Variants in RNPEP observed in about 807,000 individuals in gnomAD.
RNPEP encodes aminopeptidase B.
In RNPEP, 57 loss-of-function variants were observed where a neutral mutation model predicts 70.1. The observed-to-expected ratio is 0.81, with a 90% confidence interval of 0.66 to 1.01. The LOEUF (loss-of-function observed/expected upper bound fraction) is 1.01. Among genes scored for constraint, RNPEP ranks in the 50% least tolerant of loss-of-function variants. The pLI is 0.00. For missense variants in RNPEP, 787 were observed against 852.4 expected (o/e 0.92, Z 0.96); for synonymous variants, 335 against 357.4 (o/e 0.94, Z 0.71).
At chr1:201,995,961 G>A in intron 3 of RNPEP, 186 bp from the exon 4 acceptor site, 1 of 579,406 alleles carries the variant, frequency 1.7e-6, no homozygotes, top group South Asian at 2.2e-5. Flanking sequence ...TTGGGTTCTT[G>A]TTTCTCAGGT....
chr1:202,003,678 G>A (rs565336771), intron 9 of RNPEP, among the ~76,000 whole-genome samples: 4 of 152,278 alleles, frequency 2.6e-5, no homozygotes, highest in East Asian at 1.9e-4. Context: ...ATGTGCCATC[G>A]GGAGGTTATG....
In RNPEP at chr1:201,982,949, C is replaced by A; in HGVS notation, c.283C>A (p.Arg95=). 6.7e-7 allele frequency: 1 copy of A among 1,488,968 alleles called. No individual in the cohort carries two copies. The highest frequency in any genetic ancestry group is 1.3e-5 in the South Asian group (1 of 78,094). 92.2% of individuals were successfully genotyped at this position (1,488,968 alleles called of 1,614,324 possible). ...CLEVTAAALR[R]ERPGSEEPPA... ...GGAGGTGACGGCGGCGGCGCTGCGG[C>A]GGGAGCGGCCCGGCTCGGAGGAGCC... Residue 95 remains arginine, a synonymous_variant, in exon 1 of 11, where the codon CGG becomes AGG. Coordinates refer to ENST00000295640, the MANE Select transcript of RNPEP (RefSeq NM_020216.4).
intron 1 of RNPEP, among the ~76,000 whole-genome samples, chr1:201,987,142 G>A (rs1050879277): frequency 3.9e-5 from 6 of 152,032 alleles, no homozygotes; most frequent in African/African-American, 1.2e-4. Flanking sequence ...CCCCAACTCT[G>A]CATCTGGAGC....
rs749682607 is a variant in RNPEP at position 202,001,413 on chromosome 1, C to T, written c.1242C>T (p.Tyr414=). The change falls in exon 7 of 11, where the codon TAC becomes TAT. Residue 414 remains tyrosine, a synonymous_variant. Coordinates refer to ENST00000295640, the MANE Select transcript of RNPEP (RefSeq NM_020216.4). ...DPDDTYNETP[Y]EKGFCFVSYL... is the part of the protein sequence containing the mutation. ...ACGACACCTATAATGAGACCCCCTA[C>T]GAGAAAGGTTTCTGCTTTGTTTCAT... is the stretch of plus-strand genomic sequence containing the variant. 9.5e-5 allele frequency: 154 copies of T among 1,613,760 alleles called. No homozygotes were observed. The highest frequency in any genetic ancestry group is 3.3e-4 in the East Asian group (15 of 44,878).
chr1:202,000,950 G>A (rs12022347), intron 6 of RNPEP: 58,229 of 162,966 alleles, frequency 0.36, 11,794 homozygotes, highest in Admixed American at 0.44. Context: ...TTTAGGTGGT[G>A]ACCAATAGGG....
In RNPEP at chr1:201,996,172, C is replaced by T; in HGVS notation, c.763C>T (p.Leu255=). 1 of 1,614,114 alleles carries T rather than the reference C, an allele frequency of 6.2e-7. No homozygotes were observed. Among genetic ancestry groups the T allele is most frequent in the Non-Finnish European group, 8.5e-7 (1 of 1,179,998 alleles). Residue 255 remains leucine (L), a synonymous_variant, in exon 4 of 11, where the codon CTG becomes TTG. Coordinates refer to ENST00000295640, the MANE Select transcript of RNPEP (RefSeq NM_020216.4). ...PRSRVWAEPC[L]IDAAKEEYNG... ...GAGCCGGGTGTGGGCTGAGCCCTGC[C>T]TGATTGATGCTGCCAAGGAGGAGTA...
At chr1:201,984,457 A>C (rs1279570538) in intron 1 of RNPEP, among the ~76,000 whole-genome samples, 1 of 152,198 alleles carries the variant, frequency 6.6e-6, no homozygotes, top group Non-Finnish European at 1.5e-5. Context: ...CTCAGTGAGC[A>C]GAGTAGTGGC....
chr1:201,997,103 A>G (rs1398913092), intron 4 of RNPEP, among the ~76,000 whole-genome samples: 1 of 152,096 alleles, frequency 6.6e-6, no homozygotes, highest in Non-Finnish European at 1.5e-5. Flanking sequence ...GAGAGCAGAC[A>G]CCACCTCGAT....
chr1:201,986,197 GA>G (rs1683125519), intron 1 of RNPEP, among the ~76,000 whole-genome samples: 1 of 152,202 alleles, frequency 6.6e-6, no homozygotes, highest in South Asian at 2.1e-4. Flanking sequence ...GCCTCCCAAA[GA>G]AAGTGCTAGA....
intron 4 of RNPEP, chr1:201,996,465 T>TGTGTGTGTGTGTG: frequency 4.3e-6 from 1 of 230,686 alleles, no homozygotes; most frequent in Admixed American, 5.7e-5. Context: ...ATGAGGTTCT[T>TGTGTGTGTGTGTG]TGTGTGTGTG....
chr1:202,002,096 C>T (rs1683842836), intron 8 of RNPEP, among the ~76,000 whole-genome samples: 1 of 152,174 alleles, frequency 6.6e-6, no homozygotes, highest in East Asian at 1.9e-4. Context: ...GGAGGCAGCA[C>T]CCCTCCTACA....
At position 202,005,787 on chromosome 1, in the gene RNPEP, C is replaced by A. The variant is rs929337544; in HGVS notation, c.*71C>A. 4.5e-6 allele frequency: 7 copies of A among 1,547,930 alleles called. No individual in the cohort carries two copies. Among genetic ancestry groups the A allele is most frequent in the African/African-American group, 1.4e-5 (1 of 73,568 alleles). ...CAGAATAATTGTTTGTTCCCAAATT[C>A]CTGTTCCCTGATCAACTTCCTGGAG... On this transcript the variant is annotated 3_prime_UTR_variant, in exon 11 of 11. Coordinates refer to ENST00000295640, the MANE Select transcript of RNPEP (RefSeq NM_020216.4).
chr1:201,998,055 G>A lies in RNPEP; in HGVS notation c.1090+501G>A, dbSNP rs763350850. On this transcript the variant is annotated intron_variant, in intron 5 of 10. Transcript: ENST00000295640. The stretch of plus-strand genomic sequence containing the variant: ...CAGGATTACAGGCGTGAGCCACCAT[G>A]CCCAGCCCATTAGATTTTCTTCTAT... Among the ~76,000 whole-genome samples the A allele has an allele frequency of 1.8e-4, 28 of 152,066 alleles. 1 individual carries two copies. The highest frequency in any genetic ancestry group is 2.5e-4 in the Non-Finnish European group (17 of 68,014).
intron 1 of RNPEP, among the ~76,000 whole-genome samples, chr1:201,985,491 A>C (rs972845445): frequency 2.0e-5 from 3 of 152,160 alleles, no homozygotes; most frequent in Non-Finnish European, 2.9e-5. Flanking sequence ...TCCTGGGTTC[A>C]AGCCATCTGC....
At position 201,983,074 on chromosome 1, in the gene RNPEP, C is replaced by G. The variant is rs760347394; in HGVS notation, c.408C>G (p.Leu136=). Residue 136 remains leucine (L), a synonymous_variant, in exon 1 of 11, where the codon CTC becomes CTG. Transcript: ENST00000295640. ...FPQPCRAAER[L]QVLLTYRVGE... is the part of the protein sequence containing the mutation. ...AGCCCTGCCGCGCCGCCGAGCGCCTCCAGGTGCTGCTCACCTACCGCGTCG... is the reference window on the plus strand; with the variant it reads ...AGCCCTGCCGCGCCGCCGAGCGCCTGCAGGTGCTGCTCACCTACCGCGTCG... 2.0e-6 allele frequency: 3 copies of G among 1,524,906 alleles called. No individual in the cohort carries two copies. The highest frequency in any genetic ancestry group is 2.1e-5 in the Admixed American group (1 of 47,582). 94.5% of individuals were successfully genotyped at this position (1,524,906 alleles called of 1,614,324 possible).
In RNPEP at chr1:201,983,110, CG is replaced by C; in HGVS notation, c.447+1del. On this transcript the variant is annotated frameshift_variant and splice_region_variant, in exon 1 of 11. Coordinates refer to ENST00000295640, the MANE Select transcript of RNPEP (RefSeq NM_020216.4). LOFTEE classifies it high-confidence loss of function. The part of the protein sequence containing the change: ...LLTYRVGEGP[G>X]VCWLAPEQTA... ...TCACCTACCGCGTCGGGGAGGGACC[CG>C]GGGTGAGTGCGCCCCAGACTGCGCC... 1 of 1,479,258 alleles carries C rather than the reference CG, an allele frequency of 6.8e-7. No homozygotes were observed. Among genetic ancestry groups the C allele is most frequent in the Non-Finnish European group, 8.9e-7 (1 of 1,124,646 alleles). The allele number at this position is 1,479,258 out of a possible 1,614,324, so 91.6% of individuals were successfully genotyped here. A position where few individuals can be genotyped will look rare whatever the true frequency, so the allele number is the denominator to read the frequency against.
At chr1:201,984,765 G>A (rs188063630) in intron 1 of RNPEP, among the ~76,000 whole-genome samples, 17 of 150,640 alleles carry the variant, frequency 1.1e-4, no homozygotes, top group Admixed American at 2.7e-4. Flanking sequence ...AATATGGTGC[G>A]TGGTACATGG....
chr1:201,989,558 G>C, intron 3 of RNPEP, 27 bp downstream of exon 3: 1 of 1,613,622 alleles, frequency 6.2e-7, no homozygotes, highest in African/African-American at 1.3e-5. Flanking sequence ...CCACAGGCAA[G>C]GTTGGATTGG....
intron 1 of RNPEP, among the ~76,000 whole-genome samples, chr1:201,986,661 C>T (rs535321486): frequency 1.3e-5 from 2 of 151,868 alleles, no homozygotes; most frequent in East Asian, 3.9e-4. Context: ...CTCCCTCAGC[C>T]TCCGAAGTAG....
Sources: allele counts gnomAD v4.1 joint callset (sites outside exome capture counted in the v4.1 genomes callset), GRCh38; gene constraint gnomAD v4.1.1; transcripts MANE v1.5; gene names NCBI Gene and HGNC (gene_info 2026-07-23, HGNC 2026-07-21).